The following STK32B variants were observed in gnomAD, a reference collection of about 807,000 sequenced individuals.
STK32B encodes the protein serine/threonine-protein kinase 32B.
STK32B carries 43 observed loss-of-function variants against 52.6 expected under a neutral mutation model. That is an observed-to-expected ratio of 0.82 (90% CI 0.64 to 1.05). The LOEUF is 1.05. Ranked by LOEUF, STK32B falls within the 50% of genes least tolerant of loss-of-function variation. The pLI, the probability that STK32B is intolerant of heterozygous loss-of-function variation, is 0.00. For synonymous variants in STK32B, 238 were observed against 204.3 expected, an observed-to-expected ratio of 1.17 and a Z score of -1.41; for missense variants, 621 against 534.6, an observed-to-expected ratio of 1.16 and a Z score of -1.59.
intron 3 of STK32B, among the ~76,000 whole-genome samples, chr4:5,289,685 A>ATTTTTTTTTTT (rs56211807): frequency 8.1e-5 from 7 of 86,854 alleles, no homozygotes; most frequent in South Asian, 4.3e-4. Flanking sequence ...TGCCCGGCTA[A>ATTTTTTTTTTT]TTTTTTTTTT....
chr4:5,325,381 T>C (rs886915150), intron 3 of STK32B, among the ~76,000 whole-genome samples: 4 of 152,282 alleles, frequency 2.6e-5, no homozygotes, highest in Non-Finnish European at 5.9e-5. Context: ...TGTTTCTCTT[T>C]TTGCTCTGTG....
At chr4:5,407,404 C>T (rs184021486) in intron 5 of STK32B, among the ~76,000 whole-genome samples, 2 of 152,122 alleles carry the variant, frequency 1.3e-5, no homozygotes, top group Admixed American at 6.5e-5. Context: ...GTTCCAAAGT[C>T]GCTTACATAT....
chr4:5,065,053 G>A (rs181928197), intron 1 of STK32B, among the ~76,000 whole-genome samples: 1 of 151,642 alleles, frequency 6.6e-6, no homozygotes, highest in Non-Finnish European at 1.5e-5. Context: ...ACGAAGCCTG[G>A]AGTTCAAGAC....
chr4:5,404,624 TC>T (rs1356898288), intron 5 of STK32B, among the ~76,000 whole-genome samples: 1 of 151,984 alleles, frequency 6.6e-6, no homozygotes, highest in Non-Finnish European at 1.5e-5. Context: ...GATATCCTCT[TC>T]CATATTTTGG....
chr4:5,234,333 G>T (rs1313083575), intron 3 of STK32B, among the ~76,000 whole-genome samples: 2 of 152,150 alleles, frequency 1.3e-5, no homozygotes, highest in African/African-American at 2.4e-5. Flanking sequence ...CCAAGTGCAC[G>T]TTGCACCTTG....
chr4:5,397,074 G>A (rs1158994026), intron 4 of STK32B, among the ~76,000 whole-genome samples: 2 of 152,254 alleles, frequency 1.3e-5, no homozygotes, highest in East Asian at 1.9e-4. Context: ...CCCCAAACCC[G>A]TAGATATTGC....
At chr4:5,258,300 A>G (rs1726469164) in intron 3 of STK32B, among the ~76,000 whole-genome samples, 1 of 152,188 alleles carries the variant, frequency 6.6e-6, no homozygotes, top group South Asian at 2.1e-4. Context: ...ATGTGCCCTT[A>G]CAGTACATTG....
chr4:5,362,655 G>A (rs369860842), intron 4 of STK32B, among the ~76,000 whole-genome samples: 17 of 152,274 alleles, frequency 1.1e-4, no homozygotes, highest in African/African-American at 3.8e-4. Context: ...CAGCCACCAC[G>A]GAGGCAGGGG....
intron 3 of STK32B, among the ~76,000 whole-genome samples, chr4:5,283,461 C>T (rs192806929): frequency 1.4e-4 from 21 of 152,044 alleles, no homozygotes; most frequent in East Asian, 5.8e-4. Context: ...ATCTAAGGAA[C>T]GACAACAAAA....
intron 1 of STK32B, among the ~76,000 whole-genome samples, chr4:5,099,454 G>GCGCGCGCGCGCACGCGCGTGCGCGCGCA (rs1553823533): frequency 7.7e-6 from 1 of 129,742 alleles, no homozygotes; most frequent in African/African-American, 2.6e-5. Flanking sequence ...GTGTGTGCGC[G>GCGCGCGCGCGCACGCGCGTGCGCGCGCA]CGCGCGTATG....
intron 3 of STK32B, among the ~76,000 whole-genome samples, chr4:5,204,458 T>TTTTTGTTTTG (rs10694962): frequency 0.026 from 3,829 of 146,822 alleles, 161 homozygotes; most frequent in African/African-American, 0.079. Flanking sequence ...TTTTTAGGTT[T>TTTTTGTTTTG]TTTTGTTTTG....
intron 4 of STK32B, among the ~76,000 whole-genome samples, chr4:5,392,676 A>G (rs1349344628): frequency 6.6e-6 from 1 of 152,176 alleles, no homozygotes; most frequent in Admixed American, 6.5e-5. Flanking sequence ...CCCTCTGTAA[A>G]TAGTTCTCTC....
At chr4:5,414,938 A>G (rs1366618628) in intron 5 of STK32B, among the ~76,000 whole-genome samples, 1 of 152,208 alleles carries the variant, frequency 6.6e-6, no homozygotes, top group African/African-American at 2.4e-5. Flanking sequence ...CAAAAACCAT[A>G]TTTGAAGGCT....
intron 3 of STK32B, among the ~76,000 whole-genome samples, chr4:5,318,018 C>G (rs72616113): frequency 0.24 from 36,165 of 152,014 alleles, 7,066 homozygotes; most frequent in African/African-American, 0.55. Context: ...GTCCCCAGAT[C>G]CTTCTGAATG....
At chr4:5,493,884 T>G (rs1233046207) in intron 11 of STK32B, among the ~76,000 whole-genome samples, 3 of 152,244 alleles carry the variant, frequency 2.0e-5, no homozygotes, top group Non-Finnish European at 4.4e-5. Context: ...TGTAGTTGAG[T>G]GGTTTTGCGT....
intron 1 of STK32B, among the ~76,000 whole-genome samples, chr4:5,130,950 A>G (rs1393643048): frequency 2.6e-5 from 4 of 152,070 alleles, no homozygotes; most frequent in South Asian, 4.1e-4. Context: ...GTGCTTTTCA[A>G]AACTTTCCCT....
At chr4:5,212,914 T>C (rs1000719596) in intron 3 of STK32B, among the ~76,000 whole-genome samples, 2 of 152,184 alleles carry the variant, frequency 1.3e-5, no homozygotes, top group African/African-American at 4.8e-5. Context: ...GACATCGTTT[T>C]TTTAAAATCA....
In STK32B at chr4:5,381,773, G is replaced by A. The variant is rs146196368; in HGVS notation, c.435-16434G>A. Among the ~76,000 whole-genome samples the A allele has an allele frequency of 1.6e-4, 24 of 152,304 alleles. No individual in the cohort carries two copies. In the East Asian group the frequency reaches 4.4e-3, roughly 28 times the overall value. On this transcript the variant is annotated intron_variant, in intron 4 of 11. Coordinates refer to ENST00000282908, the MANE Select transcript of STK32B (RefSeq NM_018401.3). ...GTAAAGATGGTAATGGGTTCTGGAA[G>A]CAGCTGTCTGGGTTTTTAATCCTGG...
In STK32B at chr4:5,468,022, A is replaced by G. The variant is rs778884009; in HGVS notation, c.1058A>G (p.His353Arg). ...DSCPLNGHLQ[H>R]CLETVREEFI... ...CTTTGACAGAATGGACACCTGCAGC[A>G]CTGTTTGGAGACTGTCCGGGAGGAA... Residue 353 changes from histidine (H) to arginine (R), a missense_variant, in exon 11 of 12, where the codon CAC becomes CGC. Physicochemically the swap from His to Arg is conservative, Grantham distance 29. Coordinates refer to ENST00000282908, the MANE Select transcript of STK32B (RefSeq NM_018401.3). 2.4e-5 allele frequency: 39 copies of G among 1,614,040 alleles called. No individual in the cohort carries two copies. The South Asian group carries it at 4.3e-4, about 18-fold the overall frequency.
Sources: gnomAD v4.1 joint callset for allele counts (sites outside exome capture counted in the v4.1 genomes callset) on GRCh38, gnomAD v4.1.1 for gene constraint, MANE v1.5 for transcripts, NCBI Gene and HGNC (gene_info 2026-07-23, HGNC 2026-07-21) for gene names.